FYCO1: variants seen among roughly 807,000 people sequenced by gnomAD.
FYCO1 encodes the protein FYVE and coiled-coil domain autophagy adaptor 1.
Under a neutral mutation model 165.1 loss-of-function variants are expected in FYCO1, and 122 were observed. The ratio of observed to expected loss-of-function variants is 0.74; its 90% CI spans 0.64 to 0.86. FYCO1 has a LOEUF of 0.86. Among genes scored for constraint, FYCO1 ranks in the 40% least tolerant of loss-of-function variants. FYCO1 has a pLI of 0.00. For missense variants in FYCO1, 1,702 were observed against 1,810.3 expected, an observed-to-expected ratio of 0.94 and a Z score of 1.09; for synonymous variants, 648 against 742.5, an observed-to-expected ratio of 0.87 and a Z score of 2.07.
At chr3:45,944,674 A>G (rs1056128844) in intron 14 of FYCO1, among the ~76,000 whole-genome samples, 6 of 152,220 alleles carry the variant, frequency 3.9e-5, no homozygotes, top group Non-Finnish European at 8.8e-5. Context: ...ACCAATTATT[A>G]TACATCAAAG....
intron 4 of FYCO1, among the ~76,000 whole-genome samples, chr3:45,976,963 TA>T (rs1706790547): frequency 6.6e-6 from 1 of 152,188 alleles, no homozygotes; most frequent in Non-Finnish European, 1.5e-5. Flanking sequence ...TTATTGGCTT[TA>T]TAAAAACCAC....
At chr3:45,983,401 G>C (rs937036768) in intron 2 of FYCO1, among the ~76,000 whole-genome samples, 1 of 152,212 alleles carries the variant, frequency 6.6e-6, no homozygotes, top group African/African-American at 2.4e-5. Context: ...ACAGATGAAA[G>C]TGGAGGGTAC....
At position 45,968,231 on chromosome 3, in the gene FYCO1, A is replaced by T. The variant is rs764787122; in HGVS notation, c.1103T>A (p.Phe368Tyr). 6.2e-7 allele frequency: 1 copy of T among 1,613,820 alleles called. No individual in the cohort carries two copies. Among genetic ancestry groups the T allele is most frequent in the African/African-American group, 1.3e-5 (1 of 74,886 alleles). ...CTGAGCCATGGCTAGCCAGCCTGGG[A>T]AGCTGGCTAAATGCTGGTTTTTCTT... ...LDKKNQHLASFPGWLAMAQQK... is the reference protein window; with the variant it reads ...LDKKNQHLASYPGWLAMAQQK... The change falls in exon 8 of 18, where the codon TTC (phenylalanine) becomes TAC (tyrosine). Residue 368 changes from phenylalanine to tyrosine, a missense_variant. By Grantham distance (22) the Phe-to-Tyr change is conservative. Coordinates refer to ENST00000296137, the MANE Select transcript of FYCO1 (RefSeq NM_024513.4).
In FYCO1 at chr3:45,962,140, T is replaced by A; in HGVS notation, c.3437+85A>T. 7.0e-7 allele frequency: 1 copy of A among 1,431,456 alleles called. No homozygotes were observed. Among genetic ancestry groups the A allele is most frequent in the Non-Finnish European group, 9.8e-7 (1 of 1,015,286 alleles). The allele number at this position is 1,431,456 out of a possible 1,614,324, so 88.7% of individuals were successfully genotyped here. The stretch of plus-strand genomic sequence containing the variant: ...CAAGAAAGTGGGGAAATTTCTGAAG[T>A]ATGCTTTCAAGAACAGCTGCATTTC... On this transcript the variant is annotated intron_variant, in intron 11 of 17. Transcript: ENST00000296137. The surrounding 1 kb of genome is among the most constrained non-coding windows in gnomAD (Gnocchi z 4.4).
In FYCO1 at chr3:45,962,186, T is replaced by C; in HGVS notation, c.3437+39A>G. The C allele has an allele frequency of 6.2e-7, 1 of 1,609,828 alleles. No individual in the cohort carries two copies. The highest frequency in any genetic ancestry group is 1.7e-4 in the Middle Eastern group (1 of 6,040). ...ATTTCTTTAGAGAAAAACCCCAGTG[T>C]GGGGAAAACCCCAGCTGCTGGTTTG... On this transcript the variant is annotated intron_variant, in intron 11 of 17. Transcript: ENST00000296137. The surrounding 1 kb of genome is among the most constrained non-coding windows in gnomAD (Gnocchi z 4.4).
intron 16 of FYCO1, among the ~76,000 whole-genome samples, chr3:45,925,383 A>C (rs1703278614): frequency 6.6e-6 from 1 of 152,232 alleles, no homozygotes; most frequent in African/African-American, 2.4e-5. Context: ...AGCAACTTTG[A>C]GTTCCTAATG....
In FYCO1 at chr3:45,964,919, T is replaced by C; in HGVS notation, c.3150+114A>G. The C allele has an allele frequency of 1.2e-6, 1 of 841,738 alleles. No homozygotes were observed. The highest frequency in any genetic ancestry group is 2.0e-6 in the Non-Finnish European group (1 of 499,786). 52.1% of individuals were successfully genotyped at this position (841,738 alleles called of 1,614,324 possible). ...AACTAGGGTGTCTACAAAGGTGAACTGAGGACGGCTTCAGCTTGGGAATCT... is the reference window on the plus strand; with the variant it reads ...AACTAGGGTGTCTACAAAGGTGAACCGAGGACGGCTTCAGCTTGGGAATCT... On this transcript the variant is annotated intron_variant, in intron 9 of 17. Transcript: ENST00000296137. The surrounding 1 kb of genome is among the most constrained non-coding windows in gnomAD (Gnocchi z 4.1).
intron 8 of FYCO1, 129 bp downstream of exon 8, chr3:45,966,148 T>G: frequency 1.1e-6 from 1 of 893,610 alleles, no homozygotes; most frequent in Non-Finnish European, 1.8e-6. Context: ...GGCCACAAGG[T>G]GTTTGCCTGC....
At position 45,968,460 on chromosome 3, in the gene FYCO1, T is replaced by A; in HGVS notation, c.874A>T (p.Thr292Ser). 1 of 1,614,050 alleles carries A rather than the reference T, an allele frequency of 6.2e-7. No homozygotes were observed. The highest frequency in any genetic ancestry group is 8.5e-7 in the Non-Finnish European group (1 of 1,180,042). ...TTCTGGAGCTCAGCTACCAAGCAAG[T>A]GAGGCGAACGTTGTCCTCCGCTGCA... ...RTAAEDNVRLTCLVAELQKQW... is the reference protein window; with the variant it reads ...RTAAEDNVRLSCLVAELQKQW... Residue 292 changes from threonine to serine, a missense_variant, in exon 8 of 18, where the codon ACT (threonine) becomes TCT (serine). Physicochemically the swap from Thr to Ser is moderately conservative, Grantham distance 58 (BLOSUM62 1). Transcript: ENST00000296137.
At chr3:45,968,846 C>T in intron 7 of FYCO1, 143 bp from the exon 8 acceptor site, 1 of 996,400 alleles carries the variant, frequency 1.0e-6, no homozygotes, top group Non-Finnish European at 1.5e-6. Flanking sequence ...ATTCAAAAGA[C>T]TAGAATCCCT....
At chr3:45,968,977 TA>T (rs1451492067) in intron 7 of FYCO1, among the ~76,000 whole-genome samples, 4 of 152,234 alleles carry the variant, frequency 2.6e-5, no homozygotes, top group African/African-American at 9.6e-5. Context: ...CTTATTAACT[TA>T]ATGGACGTTG....
At chr3:45,970,374 C>G (rs2125855945) in intron 6 of FYCO1, among the ~76,000 whole-genome samples, 1 of 152,314 alleles carries the variant, frequency 6.6e-6, no homozygotes. Context: ...ATTGTGTGTT[C>G]AAACCTAGTC....
chr3:45,931,203 G>C lies in FYCO1; in HGVS notation c.4119C>G (p.Thr1373=). ...CCACAGTGATGGGGATCAGGCTGTA[G>C]GTGCTGGACCTCACAAACAGCTCCC... The part of the protein sequence containing the change: ...GSRELFVRSS[T]YSLIPITVAE... Residue 1373 remains threonine, a synonymous_variant, in exon 16 of 18, where the codon ACC becomes ACG. Coordinates refer to ENST00000296137, the MANE Select transcript of FYCO1 (RefSeq NM_024513.4). 3 of 1,614,100 alleles carry C rather than the reference G, an allele frequency of 1.9e-6. No individual in the cohort carries two copies. The highest frequency in any genetic ancestry group is 2.5e-6 in the Non-Finnish European group (3 of 1,179,972).
In FYCO1 at chr3:45,966,310, A is replaced by T. The variant is rs146592828; in HGVS notation, c.3024T>A (p.Ser1008Arg). Residue 1008 changes from serine to arginine, a missense_variant, in exon 8 of 18, where the codon AGT (serine) becomes AGA (arginine). Ser to Arg is a moderately radical substitution (Grantham distance 110). Coordinates refer to ENST00000296137, the MANE Select transcript of FYCO1 (RefSeq NM_024513.4). ...QELNTLKFQL[S>R]AEIMDYQSRL... Reference sequence around the variant, plus strand: ...TGCTCTGGTAGTCCATGATTTCAGCACTCAGCTGGAACTTGAGGGTGTTGA... The same window carrying T: ...TGCTCTGGTAGTCCATGATTTCAGCTCTCAGCTGGAACTTGAGGGTGTTGA... 144 of 1,614,128 alleles carry T rather than the reference A, an allele frequency of 8.9e-5. 1 individual carries two copies. The African/African-American group carries it at 1.8e-3, about 20-fold the overall frequency.
chr3:45,987,772 C>T (rs1364017959), intron 1 of FYCO1, among the ~76,000 whole-genome samples: 1 of 152,212 alleles, frequency 6.6e-6, no homozygotes, highest in Non-Finnish European at 1.5e-5. Context: ...ACAACAGATC[C>T]TGAGTAACTC....
At chr3:45,934,478 A>G (rs1045306153) in intron 15 of FYCO1, among the ~76,000 whole-genome samples, 2 of 152,256 alleles carry the variant, frequency 1.3e-5, no homozygotes, top group Non-Finnish European at 2.9e-5. Context: ...GCCAGAGGGA[A>G]GTAGCAGCAC....
intron 2 of FYCO1, chr3:45,984,615 G>C (rs1707224618): frequency 6.4e-6 from 4 of 621,052 alleles, no homozygotes; most frequent in Admixed American, 5.0e-5. Context: ...CTGGAGCCGG[G>C]TGTATGATTT....
At position 45,962,184 on chromosome 3, in the gene FYCO1, T is replaced by C. The variant is rs752902183; in HGVS notation, c.3437+41A>G. ...GCATTTCTTTAGAGAAAAACCCCAG[T>C]GTGGGGAAAACCCCAGCTGCTGGTT... On this transcript the variant is annotated intron_variant, in intron 11 of 17. Coordinates refer to ENST00000296137, the MANE Select transcript of FYCO1 (RefSeq NM_024513.4). The surrounding 1 kb of genome is among the most constrained non-coding windows in gnomAD (Gnocchi z 4.4). 3.1e-6 allele frequency: 5 copies of C among 1,605,426 alleles called. No individual in the cohort carries two copies. The highest frequency in any genetic ancestry group is 4.5e-5 in the East Asian group (2 of 44,826).
intron 14 of FYCO1, chr3:45,945,859 T>C (rs2125821097): frequency 6.6e-6 from 1 of 152,400 alleles, no homozygotes; most frequent in East Asian, 1.9e-4. Context: ...TCTATGCAAT[T>C]GAGGGGAAGT....
Sources: allele counts gnomAD v4.1 joint callset (sites outside exome capture counted in the v4.1 genomes callset), GRCh38; gene constraint gnomAD v4.1.1; non-coding constraint Gnocchi (gnomAD v3.1); transcripts MANE v1.5; gene names NCBI Gene and HGNC (gene_info 2026-07-23, HGNC 2026-07-21).